MAN1C1: variants seen among roughly 807,000 people sequenced by gnomAD.
MAN1C1 encodes the protein mannosidase alpha class 1C member 1, also known as mannosyl-oligosaccharide 1,2-alpha-mannosidase IC.
Under a neutral mutation model 71.5 loss-of-function variants are expected in MAN1C1, and 49 were observed. That is an observed-to-expected ratio of 0.69 (90% CI 0.54 to 0.87). The LOEUF (loss-of-function observed/expected upper bound fraction) is 0.87, where lower values mean the gene tolerates loss of function less well. Ranked by LOEUF, MAN1C1 falls within the 40% of genes least tolerant of loss-of-function variation. The pLI is 0.00. For synonymous variants in MAN1C1, 352 were observed against 343.7 expected, an observed-to-expected ratio of 1.02 and a Z score of -0.27; for missense variants, 743 against 835.0, an observed-to-expected ratio of 0.89 and a Z score of 1.36.
chr1:25,783,990 A>C lies in MAN1C1; in HGVS notation c.*201A>C. ...GATGTCAGGCCAGGGCCATGGCCAC[A>C]CTGGCCCACACATTCCTTTCTACAG... On this transcript the variant is annotated 3_prime_UTR_variant, in exon 12 of 12. Transcript: ENST00000374332. The C allele has an allele frequency of 1.7e-6, 1 of 583,944 alleles. No homozygotes were observed. The highest frequency in any genetic ancestry group is 2.9e-6 in the Non-Finnish European group (1 of 345,528). 36.2% of individuals were successfully genotyped at this position (583,944 alleles called of 1,614,324 possible). A position where few individuals can be genotyped will look rare whatever the true frequency, so the allele number is the denominator to read the frequency against.
At chr1:25,687,847 T>G (rs1291708324) in intron 2 of MAN1C1, among the ~76,000 whole-genome samples, 1 of 152,196 alleles carries the variant, frequency 6.6e-6, no homozygotes, top group Non-Finnish European at 1.5e-5. Flanking sequence ...AAAAAAAATC[T>G]GTTCTGCTCT....
At chr1:25,690,126 T>G (rs1414442697) in intron 2 of MAN1C1, among the ~76,000 whole-genome samples, 1 of 152,152 alleles carries the variant, frequency 6.6e-6, no homozygotes, top group Non-Finnish European at 1.5e-5. Flanking sequence ...TGAAGCCAGT[T>G]TCTGTGTCCT....
intron 2 of MAN1C1, among the ~76,000 whole-genome samples, chr1:25,745,152 C>T (rs2047111393): frequency 1.3e-5 from 2 of 152,210 alleles, no homozygotes; most frequent in South Asian, 4.1e-4. Flanking sequence ...CATTACTCTT[C>T]TGTCTGGTTC....
Position 25,782,811 on chromosome 1 carries a change from A to G in MAN1C1, c.1766+111A>G, listed in dbSNP as rs1439039947. 5.1e-6 allele frequency: 4 copies of G among 781,960 alleles called. No homozygotes were observed. The highest frequency in any genetic ancestry group is 8.5e-6 in the Non-Finnish European group (4 of 470,158). 48.4% of individuals were successfully genotyped at this position (781,960 alleles called of 1,614,324 possible). ...CTGTGGTCACAGGACGGGAGCCCAA[A>G]AGGGGTGAAGGGCTTGGGATCCAGA... On this transcript the variant is annotated intron_variant, in intron 11 of 11. Transcript: ENST00000374332. The surrounding 1 kb of genome is among the most constrained non-coding windows in gnomAD (Gnocchi z 4.4).
intron 1 of MAN1C1, among the ~76,000 whole-genome samples, chr1:25,636,852 C>A (rs191956264): frequency 6.6e-6 from 1 of 152,196 alleles, no homozygotes; most frequent in Non-Finnish European, 1.5e-5. Flanking sequence ...CGTTCAGGAT[C>A]CCTGACTTCC....
intron 1 of MAN1C1, among the ~76,000 whole-genome samples, chr1:25,633,151 C>T (rs2124754860): frequency 6.6e-6 from 1 of 152,258 alleles, no homozygotes; most frequent in Middle Eastern, 3.4e-3. Context: ...AGGCATGAGC[C>T]ACTGTGCCTG....
At chr1:25,703,093 C>A (rs182865011) in intron 2 of MAN1C1, among the ~76,000 whole-genome samples, 3 of 152,344 alleles carry the variant, frequency 2.0e-5, no homozygotes, top group Admixed American at 2.0e-4. Flanking sequence ...AAAATAGCAT[C>A]TCTGTTGATG....
At chr1:25,701,234 G>A (rs2046438254) in intron 2 of MAN1C1, among the ~76,000 whole-genome samples, 1 of 152,220 alleles carries the variant, frequency 6.6e-6, no homozygotes, top group Admixed American at 6.5e-5. Flanking sequence ...GCCTGCACCT[G>A]CTCAGGCACC....
chr1:25,728,871 A>G (rs1270969316), intron 2 of MAN1C1, among the ~76,000 whole-genome samples: 2 of 152,130 alleles, frequency 1.3e-5, no homozygotes, highest in Non-Finnish European at 2.9e-5. Flanking sequence ...ACCCTCAAAT[A>G]AAGGCTGGGG....
chr1:25,767,928 G>C (rs2047467982), intron 7 of MAN1C1, among the ~76,000 whole-genome samples: 1 of 20,402 alleles, frequency 4.9e-5, no homozygotes, highest in African/African-American at 3.6e-4. Flanking sequence ...CCCCCACACA[G>C]ACCCACACAC....
intron 1 of MAN1C1, among the ~76,000 whole-genome samples, chr1:25,672,205 A>AAGAGAG (rs760005706): frequency 1.3e-5 from 2 of 150,770 alleles, no homozygotes; most frequent in African/African-American, 4.9e-5. Flanking sequence ...CTAGCTCCAG[A>AAGAGAG]AGAGAGAGAG....
At chr1:25,681,724 A>C (rs546712495) in intron 1 of MAN1C1, among the ~76,000 whole-genome samples, 2 of 152,332 alleles carry the variant, frequency 1.3e-5, no homozygotes, top group Non-Finnish European at 2.9e-5. Context: ...ACTGTTCTCC[A>C]AAGTGGCCGC....
chr1:25,752,306 C>T (rs2047227081), intron 4 of MAN1C1, among the ~76,000 whole-genome samples: 1 of 152,152 alleles, frequency 6.6e-6, no homozygotes, highest in South Asian at 2.1e-4. Context: ...GGTTTCCTCC[C>T]ACTGTCCCCG....
chr1:25,767,754 C>T (rs557378634), intron 7 of MAN1C1, among the ~76,000 whole-genome samples: 12 of 40,862 alleles, frequency 2.9e-4, no homozygotes, highest in African/African-American at 2.1e-3. Context: ...CACACCCACA[C>T]TCCCCTCACA....
chr1:25,664,260 G>GTTTT (rs3841828), intron 1 of MAN1C1, among the ~76,000 whole-genome samples: 3 of 146,258 alleles, frequency 2.1e-5, no homozygotes, highest in African/African-American at 7.5e-5. Flanking sequence ...AACCCTACTA[G>GTTTT]TTTTTTTTTT....
intron 2 of MAN1C1, among the ~76,000 whole-genome samples, chr1:25,738,091 G>C (rs2047007567): frequency 6.6e-6 from 1 of 151,906 alleles, no homozygotes; most frequent in East Asian, 1.9e-4. Context: ...TCATGTATCA[G>C]CCTCCAGTAA....
chr1:25,740,245 C>T lies in MAN1C1; in HGVS notation c.638-6423C>T, dbSNP rs888800025. 1.1e-4 allele frequency among the ~76,000 whole-genome samples: 17 copies of T among 152,066 alleles called. No individual in the cohort carries two copies. In the East Asian group the frequency reaches 2.1e-3, roughly 19 times the overall value. The stretch of plus-strand genomic sequence containing the variant: ...CTAGGCAAGGAGCAGGTTTGGAGGC[C>T]GAAGTGGAGGCTGAAGGGACAGCGT... On this transcript the variant is annotated intron_variant, in intron 2 of 11. Coordinates refer to ENST00000374332, the MANE Select transcript of MAN1C1 (RefSeq NM_020379.4).
rs574140098 is a variant in MAN1C1 at position 25,685,664 on chromosome 1, A to G, written c.541-776A>G. ...ATGCATACTCTGGGTGACAGTCCAC[A>G]TAGGAAGAACTTGTGCATACTCTGG... On this transcript the variant is annotated intron_variant, in intron 1 of 11. Transcript: ENST00000374332. Among the ~76,000 whole-genome samples, 166 of 152,362 alleles carry G rather than the reference A, an allele frequency of 1.1e-3. 2 individuals carry two copies. The South Asian group carries it at 0.031, about 29-fold the overall frequency.
chr1:25,722,491 GT>G (rs1250824218), intron 2 of MAN1C1, among the ~76,000 whole-genome samples: 1 of 152,090 alleles, frequency 6.6e-6, no homozygotes, highest in African/African-American at 2.4e-5. Flanking sequence ...ATTTCCTCAA[GT>G]TTGTCTTCCA....
Sources: allele counts gnomAD v4.1 joint callset (sites outside exome capture counted in the v4.1 genomes callset), GRCh38; gene constraint gnomAD v4.1.1; non-coding constraint Gnocchi (gnomAD v3.1); transcripts MANE v1.5; gene names NCBI Gene and HGNC (gene_info 2026-07-23, HGNC 2026-07-21).